LRRC56: variants seen among roughly 807,000 people sequenced by gnomAD.
LRRC56 encodes the protein leucine rich repeat containing 56.
In LRRC56, 41 loss-of-function variants were observed where a neutral mutation model predicts 47.8. The observed-to-expected ratio is 0.86, with a 90% CI of 0.67 to 1.11. The LOEUF is 1.11. Among genes scored for constraint, LRRC56 ranks in the 50% most tolerant of loss-of-function variants. The pLI is 0.00. For missense variants in LRRC56, 759 were observed against 704.2 expected, an observed-to-expected ratio of 1.08 and a Z score of -0.88; for synonymous variants, 387 against 311.2, an observed-to-expected ratio of 1.24 and a Z score of -2.56.
chr11:553,861 G>A (rs1433625047), intron 13 of LRRC56, 102 bp from the exon 14 acceptor site: 11 of 998,460 alleles, frequency 1.1e-5, no homozygotes, highest in Admixed American at 8.6e-5. Flanking sequence ...AAGGACCACT[G>A]CCTCGGGGCT....
chr11:531,943 T>A, the LRRC56 span, among the ~76,000 whole-genome samples: 1 of 152,082 alleles, frequency 6.6e-6, no homozygotes, highest in South Asian at 2.1e-4. Context: ...CCGGCACAGA[T>A]CCCCAACCCC....
At chr11:519,063 C>T in the LRRC56 span, among the ~76,000 whole-genome samples, 2 of 152,208 alleles carry the variant, frequency 1.3e-5, no homozygotes, top group Non-Finnish European at 2.9e-5. Context: ...GTCCGCTGTG[C>T]AAACCGGTCC....
At chr11:511,000 A>G in the LRRC56 span, among the ~76,000 whole-genome samples, 1 of 152,136 alleles carries the variant, frequency 6.6e-6, no homozygotes, top group African/African-American at 2.4e-5. Context: ...TGTCGCACGC[A>G]GTGGATTTTC....
At chr11:538,371 G>A (rs4963175) in intron 1 of LRRC56, among the ~76,000 whole-genome samples, 22,065 of 152,204 alleles carry the variant, frequency 0.14, 2,255 homozygotes, top group African/African-American at 0.29. Flanking sequence ...CAGAGTCTTT[G>A]GGGGGATGCA....
chr11:547,114 G>A (rs1852121240), intron 6 of LRRC56, among the ~76,000 whole-genome samples: 1 of 151,668 alleles, frequency 6.6e-6, no homozygotes, highest in Admixed American at 6.6e-5. Context: ...TGCCTGTAAT[G>A]CCAGCTGCAC....
chr11:549,152 G>A (rs1235014839), intron 6 of LRRC56, among the ~76,000 whole-genome samples: 1 of 152,182 alleles, frequency 6.6e-6, no homozygotes, highest in Non-Finnish European at 1.5e-5. Context: ...TACGGGTGCC[G>A]TGAACTGGAC....
At chr11:545,806 G>C (rs1391237851) in intron 6 of LRRC56, among the ~76,000 whole-genome samples, 1 of 152,236 alleles carries the variant, frequency 6.6e-6, no homozygotes, top group African/African-American at 2.4e-5. Flanking sequence ...GTTCCCAGCA[G>C]CATAAGGCAG....
chr11:544,123 C>T (rs753662997), intron 5 of LRRC56, among the ~76,000 whole-genome samples: 9 of 152,358 alleles, frequency 5.9e-5, no homozygotes, highest in East Asian at 1.9e-4. Context: ...CAAAAGACTC[C>T]GAACGCAGAG....
Position 540,661 on chromosome 11 carries a change from CCT to C in LRRC56, c.-11-10_-11-9del. ...CAACAGCGTGGAGCTTTGCACTGTG[CCT>C]CTGTCAGCAGGTGACATGTGAATGG... On this transcript the variant is annotated splice_polypyrimidine_tract_variant and intron_variant, in intron 3 of 13. Coordinates refer to ENST00000270115, the MANE Select transcript of LRRC56 (RefSeq NM_198075.4). 6.2e-7 allele frequency: 1 copy of C among 1,609,226 alleles called. No individual in the cohort carries two copies. Among genetic ancestry groups the C allele is most frequent in the Non-Finnish European group, 8.5e-7 (1 of 1,178,080 alleles).
the LRRC56 span, among the ~76,000 whole-genome samples, chr11:525,375 T>TA: frequency 1.3e-5 from 2 of 151,536 alleles, no homozygotes; most frequent in Non-Finnish European, 2.9e-5. Context: ...CCATCTCTAC[T>TA]AAAAACACAA....
the LRRC56 span, among the ~76,000 whole-genome samples, chr11:508,585 G>A: frequency 6.6e-6 from 1 of 152,084 alleles, no homozygotes; most frequent in Non-Finnish European, 1.5e-5. Context: ...TGGCCAACGT[G>A]GTGAAACCCC....
intron 8 of LRRC56, 136 bp from the exon 9 acceptor site, chr11:550,995 G>C: frequency 1.8e-6 from 1 of 550,072 alleles, no homozygotes. Context: ...ACCCCTGCAG[G>C]GTAGGCAGCA....
In LRRC56 at chr11:554,900, A is replaced by G. The variant is rs1446955434; in HGVS notation, c.*624A>G. ...TTTGTAGGCCACGTTGGTTCAATAA[A>G]TGATGCAGCGGACACAGCCCGCCCA... On this transcript the variant is annotated 3_prime_UTR_variant, in exon 14 of 14. Transcript: ENST00000270115. 1 of 1,012,202 alleles carries G rather than the reference A, an allele frequency of 9.9e-7. No homozygotes were observed. The highest frequency in any genetic ancestry group is 1.4e-6 in the Non-Finnish European group (1 of 731,388). 62.7% of individuals were successfully genotyped at this position (1,012,202 alleles called of 1,614,324 possible). A position where few individuals can be genotyped will look rare whatever the true frequency, so the allele number is the denominator to read the frequency against.
At chr11:548,303 C>T (rs574303276) in intron 6 of LRRC56, among the ~76,000 whole-genome samples, 14 of 152,220 alleles carry the variant, frequency 9.2e-5, no homozygotes, top group Non-Finnish European at 1.6e-4. Context: ...TTCTTTGAGA[C>T]AGGGTCTCAC....
rs1380012506 is a variant in LRRC56 at position 552,719 on chromosome 11, C to T, written c.1315+17C>T. The T allele has an allele frequency of 1.3e-6, 2 of 1,586,214 alleles. No individual in the cohort carries two copies. Among genetic ancestry groups the T allele is most frequent in the Non-Finnish European group, 1.7e-6 (2 of 1,165,724 alleles). On this transcript the variant is annotated intron_variant, in intron 13 of 13. Transcript: ENST00000270115. Reference sequence around the variant, plus strand: ...TGGCCTCAGGTACTGAGCCTGCCCGCCTGCCCCCCAGTGCCTGGGAGTGAC... The same window carrying T: ...TGGCCTCAGGTACTGAGCCTGCCCGTCTGCCCCCCAGTGCCTGGGAGTGAC...
the LRRC56 span, among the ~76,000 whole-genome samples, chr11:521,475 A>G: frequency 2.0e-5 from 3 of 152,068 alleles, no homozygotes; most frequent in Non-Finnish European, 4.4e-5. Context: ...TGCCCAGCTA[A>G]TTTTTGTATT....
the LRRC56 span, among the ~76,000 whole-genome samples, chr11:515,318 C>T: frequency 6.6e-6 from 1 of 152,176 alleles, no homozygotes; most frequent in Non-Finnish European, 1.5e-5. Flanking sequence ...TGAGTCCTTC[C>T]TCAGACGGGA....
At position 551,250 on chromosome 11, in the gene LRRC56, C is replaced by G; in HGVS notation, c.744C>G (p.Asp248Glu). 1 of 1,545,180 alleles carries G rather than the reference C, an allele frequency of 6.5e-7. No homozygotes were observed. The highest frequency in any genetic ancestry group is 8.7e-7 in the Non-Finnish European group (1 of 1,143,438). The stretch of plus-strand genomic sequence containing the variant: ...CGGCCCCCCCGCGGCTGAGCCAGGA[C>G]TGGCTTGCGGTGAAGGAGGCCATCA... ...GPPAPPRLSQDWLAVKEAIKK... is the reference protein window; with the variant it reads ...GPPAPPRLSQEWLAVKEAIKK... The change falls in exon 9 of 14, where the codon GAC becomes GAG. Residue 248 changes from aspartate to glutamate, a missense_variant. Physicochemically the swap from Asp to Glu is conservative, Grantham distance 45. Coordinates refer to ENST00000270115, the MANE Select transcript of LRRC56 (RefSeq NM_198075.4).
rs1411746631 is a variant in LRRC56 at position 547,696 on chromosome 11, C to CA, written c.327-2199dup. Among the ~76,000 whole-genome samples, 4 of 151,366 alleles carry CA rather than the reference C, an allele frequency of 2.6e-5. 1 individual carries two copies. Among genetic ancestry groups the CA allele is most frequent in the Non-Finnish European group, 4.4e-5 (3 of 67,826 alleles). On this transcript the variant is annotated intron_variant, in intron 6 of 13. Coordinates refer to ENST00000270115, the MANE Select transcript of LRRC56 (RefSeq NM_198075.4). ...ACCAACAAATTAGCTCTAAGAACAA[C>CA]AAAAAAATATAAAAAGCACATAAAT... is the stretch of plus-strand genomic sequence containing the variant.
Sources: allele counts gnomAD v4.1 joint callset (sites outside exome capture counted in the v4.1 genomes callset), GRCh38; gene constraint gnomAD v4.1.1; transcripts MANE v1.5; gene names NCBI Gene and HGNC (gene_info 2026-07-23, HGNC 2026-07-21).